Variants in RYR2 observed in about 807,000 individuals in gnomAD.
RYR2 encodes the protein cardiac muscle ryanodine receptor-calcium release channel.
A neutral mutation model predicts 601.1 loss-of-function variants in RYR2; 227 were observed. The ratio of observed to expected loss-of-function variants is 0.38; its 90% confidence interval spans 0.34 to 0.42. The LOEUF (loss-of-function observed/expected upper bound fraction) is 0.42. RYR2 is among the 10% of genes least tolerant of loss of function. RYR2 has a pLI of 1.00. For missense variants in RYR2, 4,646 were observed against 6,156.5 expected (o/e 0.75, Z 8.21); for synonymous variants, 2,223 against 2,175.1 (o/e 1.02, Z -0.61).
intron 1 of RYR2, among the ~76,000 whole-genome samples, chr1:237,179,870 G>A (rs1426614893): frequency 1.3e-5 from 2 of 152,104 alleles, no homozygotes; most frequent in East Asian, 1.9e-4. Context: ...AACATCTATT[G>A]TCTTTGCAGA....
chr1:237,559,915 CT>C, intron 27 of RYR2, among the ~76,000 whole-genome samples: 1 of 152,342 alleles, frequency 6.6e-6, no homozygotes, highest in East Asian at 1.9e-4. Context: ...GTTTCATTAG[CT>C]TCATGGTCAG....
At chr1:237,716,400 C>T (rs1279125903) in intron 71 of RYR2, among the ~76,000 whole-genome samples, 1 of 151,954 alleles carries the variant, frequency 6.6e-6, no homozygotes, top group African/African-American at 2.4e-5. Context: ...CTTTGAATTA[C>T]TGCTACAAAA....
chr1:237,543,294 C>CTTTGCTGTCATATT (rs1170596672), intron 25 of RYR2, among the ~76,000 whole-genome samples: 22 of 152,048 alleles, frequency 1.4e-4, no homozygotes, highest in Admixed American at 4.6e-4. Context: ...GGGAGTAGGG[C>CTTTGCTGTCATATT]ACATCTTCAT....
intron 3 of RYR2, among the ~76,000 whole-genome samples, chr1:237,345,237 T>A (rs1007069436): frequency 2.0e-5 from 3 of 152,152 alleles, no homozygotes; most frequent in African/African-American, 7.2e-5. Context: ...ACAAAATAAC[T>A]TGCTGAGATT....
intron 1 of RYR2, among the ~76,000 whole-genome samples, chr1:237,237,696 C>T (rs968191366): frequency 2.0e-5 from 3 of 152,140 alleles, no homozygotes; most frequent in Non-Finnish European, 2.9e-5. Context: ...TGCAAAGCTA[C>T]CTCTTGTGGG....
intron 17 of RYR2, among the ~76,000 whole-genome samples, chr1:237,471,561 G>T (rs191292657): frequency 1.3e-5 from 2 of 152,178 alleles, no homozygotes; most frequent in African/African-American, 2.4e-5. Flanking sequence ...AGAGATAGGT[G>T]CAGGGCAGCC....
At chr1:237,546,280 G>A (rs1669793932) in intron 25 of RYR2, among the ~76,000 whole-genome samples, 1 of 152,132 alleles carries the variant, frequency 6.6e-6, no homozygotes, top group African/African-American at 2.4e-5. Context: ...TCAGTAATTT[G>A]TCCTAATTGT....
chr1:237,543,325 AAC>A (rs1466642379), intron 25 of RYR2, among the ~76,000 whole-genome samples: 1 of 152,152 alleles, frequency 6.6e-6, no homozygotes, highest in East Asian at 1.9e-4. Context: ...TTTATTTAAA[AAC>A]AAACAAAAGT....
intron 35 of RYR2, among the ~76,000 whole-genome samples, chr1:237,603,310 T>C (rs971413479): frequency 2.6e-5 from 4 of 152,118 alleles, no homozygotes; most frequent in African/African-American, 7.2e-5. Flanking sequence ...ATGAGAAGTG[T>C]AGAATAAGTG....
Position 237,627,909 on chromosome 1 carries a change from G to A in RYR2, c.6269G>A (p.Arg2090Gln), listed in dbSNP as rs1379845021. The stretch of plus-strand genomic sequence containing the variant: ...AGGGCCATGTTTGTGTTGCTCCATC[G>A]GCAGTATGACGGCATTGGGGGTCTT... ...LVRAMFVLLH[R>Q]QYDGIGGLVR... is the part of the protein sequence containing the mutation. The change falls in exon 41 of 105, where the codon CGG becomes CAG. Residue 2090 changes from arginine (R) to glutamine (Q), a missense_variant. Around this residue, in one of 17 missense-constraint regions of RYR2, gnomAD observed 170 missense variants for 184.5 expected, o/e 0.92. Coordinates refer to ENST00000366574, the MANE Select transcript of RYR2 (RefSeq NM_001035.3). 20 of 1,613,742 alleles carry A rather than the reference G, an allele frequency of 1.2e-5. No individual in the cohort carries two copies. The highest frequency in any genetic ancestry group is 4.0e-5 in the African/African-American group (3 of 74,888).
At chr1:237,657,709 G>T (rs182828056) in intron 53 of RYR2, among the ~76,000 whole-genome samples, 1 of 151,384 alleles carries the variant, frequency 6.6e-6, no homozygotes, top group Non-Finnish European at 1.5e-5. Flanking sequence ...TATGTAATTT[G>T]TTATGTTAGC....
chr1:237,830,224 C>G (rs780077379), intron 102 of RYR2: 1 of 284,390 alleles, frequency 3.5e-6, no homozygotes, highest in Non-Finnish European at 6.9e-6. Context: ...GATCACTAAG[C>G]CTGGACATTT....
chr1:237,085,908 T>C (rs1314540079), intron 1 of RYR2, among the ~76,000 whole-genome samples: 2 of 152,192 alleles, frequency 1.3e-5, no homozygotes, highest in East Asian at 3.9e-4. Flanking sequence ...CGTGTGCCGC[T>C]ACGCCTGGCT....
At chr1:237,514,962 A>C (rs55757724) in intron 24 of RYR2, among the ~76,000 whole-genome samples, 1 of 152,240 alleles carries the variant, frequency 6.6e-6, no homozygotes, top group Non-Finnish European at 1.5e-5. Context: ...TAGAAGTTCC[A>C]AGTAACAAAT....
intron 92 of RYR2, among the ~76,000 whole-genome samples, chr1:237,788,985 A>G (rs1017778352): frequency 6.6e-6 from 1 of 151,650 alleles, no homozygotes; most frequent in African/African-American, 2.4e-5. Context: ...ACATATGTGT[A>G]TATATGTATA....
At chr1:237,575,541 C>G (rs1333953496) in intron 29 of RYR2, among the ~76,000 whole-genome samples, 1 of 151,970 alleles carries the variant, frequency 6.6e-6, no homozygotes, top group South Asian at 2.1e-4. Flanking sequence ...TCTTTCCCCC[C>G]ACCCCCGGCG....
intron 12 of RYR2, among the ~76,000 whole-genome samples, chr1:237,431,579 A>G (rs532422214): frequency 1.3e-5 from 2 of 152,162 alleles, no homozygotes; most frequent in Non-Finnish European, 2.9e-5. Flanking sequence ...CTACTTTATT[A>G]TATTTGAATA....
intron 2 of RYR2, among the ~76,000 whole-genome samples, chr1:237,328,613 A>C (rs891962543): frequency 1.3e-5 from 2 of 152,006 alleles, no homozygotes; most frequent in Non-Finnish European, 2.9e-5. Flanking sequence ...AAAAAAAAAA[A>C]ACAAAACAGA....
Position 237,819,957 on chromosome 1 carries a change from TG to T in RYR2, c.14590+768del, listed in dbSNP as rs1257210499. Among the ~76,000 whole-genome samples the T allele has an allele frequency of 6.6e-6, 1 of 151,054 alleles. No homozygotes were observed. Among genetic ancestry groups the T allele is most frequent in the Non-Finnish European group, 1.5e-5 (1 of 67,740 alleles). ...ATCCCAGCACTTTGAGAGACTGAGG[TG>T]GGTGGATCACTTGAGGTCTGGAGTT... is the stretch of plus-strand genomic sequence containing the variant. On this transcript the variant is annotated intron_variant, in intron 101 of 104. Transcript: ENST00000366574. This position sits in a 1 kb window ranked among gnomAD's most constrained non-coding sequence, Gnocchi z 4.0.
Sources: allele counts gnomAD v4.1 joint callset (sites outside exome capture counted in the v4.1 genomes callset), GRCh38; gene constraint gnomAD v4.1.1; regional missense constraint gnomAD v4.1.1; non-coding constraint Gnocchi (gnomAD v3.1); transcripts MANE v1.5; gene names NCBI Gene and HGNC (gene_info 2026-07-23, HGNC 2026-07-21).